NYAP2: variants seen among roughly 807,000 people sequenced by gnomAD.
The protein encoded by NYAP2 is neuronal tyrosine-phosphorylated phosphoinositide-3-kinase adaptor 2.
A neutral mutation model predicts 50.4 loss-of-function variants in NYAP2; 23 were observed. The ratio of observed to expected loss-of-function variants is 0.46; its 90% CI spans 0.33 to 0.65. NYAP2 has a LOEUF of 0.65. NYAP2 is among the 30% of genes least tolerant of loss of function. The pLI, the probability that NYAP2 is intolerant of heterozygous loss-of-function variation, is 0.02. For missense variants in NYAP2, 885 were observed against 861.0 expected (o/e 1.03, Z -0.35); for synonymous variants, 394 against 365.2 (o/e 1.08, Z -0.90).
chr2:225,692,926 T>C, the NYAP2 span, among the ~76,000 whole-genome samples: 1 of 152,094 alleles, frequency 6.6e-6, no homozygotes, highest in East Asian at 1.9e-4. Flanking sequence ...TGTACATATA[T>C]ATTTCTAATT....
At chr2:225,465,726 C>A (rs1327859415) in intron 3 of NYAP2, among the ~76,000 whole-genome samples, 1 of 152,086 alleles carries the variant, frequency 6.6e-6, no homozygotes, top group African/African-American at 2.4e-5. Context: ...AAAAAACAAA[C>A]AAACAAACAA....
chr2:225,549,424 G>A (rs770081011), intron 4 of NYAP2, among the ~76,000 whole-genome samples: 31 of 152,168 alleles, frequency 2.0e-4, no homozygotes, highest in Non-Finnish European at 4.4e-4. Flanking sequence ...GAAAGCCTGA[G>A]TGTGTCAAGC....
chr2:225,440,696 A>G (rs889994042), intron 3 of NYAP2, among the ~76,000 whole-genome samples: 2 of 152,240 alleles, frequency 1.3e-5, no homozygotes, highest in Non-Finnish European at 2.9e-5. Context: ...AAGAGTATGG[A>G]GAAGAGCAAA....
chr2:225,634,786 C>T (rs576029353), intron 6 of NYAP2, among the ~76,000 whole-genome samples: 41 of 152,246 alleles, frequency 2.7e-4, no homozygotes, highest in Non-Finnish European at 4.7e-4. Flanking sequence ...CATAATTCAT[C>T]TTCTGGTCAC....
chr2:225,676,723 T>A, the NYAP2 span, among the ~76,000 whole-genome samples: 1 of 152,166 alleles, frequency 6.6e-6, no homozygotes, highest in African/African-American at 2.4e-5. Context: ...TCTCACAACA[T>A]GTGGAAATTA....
the NYAP2 span, among the ~76,000 whole-genome samples, chr2:225,678,556 A>T: frequency 6.6e-6 from 1 of 152,166 alleles, no homozygotes; most frequent in South Asian, 2.1e-4. Flanking sequence ...TTGAAGATAA[A>T]GTTCTTTCAG....
chr2:225,593,758 G>A (rs1452068793), intron 5 of NYAP2, among the ~76,000 whole-genome samples: 2 of 152,104 alleles, frequency 1.3e-5, no homozygotes, highest in African/African-American at 4.8e-5. Context: ...TATTGAACTT[G>A]TTGAATTAAT....
rs527821666 is a variant in NYAP2, at chr2:225,430,301, C to A, written c.221+21200C>A. ...ATCTTAGAACATGAATAACATGAAG[C>A]CTTTCCAAATATAGAATAATCAGAC... is the stretch of plus-strand genomic sequence containing the variant. On this transcript the variant is annotated intron_variant, in intron 3 of 6. Coordinates refer to ENST00000636099, the Ensembl canonical transcript of NYAP2. 7.9e-5 allele frequency among the ~76,000 whole-genome samples: 12 copies of A among 152,280 alleles called. No individual in the cohort carries two copies. The East Asian group carries it at 1.9e-3, about 24-fold the overall frequency.
intron 5 of NYAP2, among the ~76,000 whole-genome samples, chr2:225,589,399 G>T (rs1692449159): frequency 6.6e-6 from 1 of 150,794 alleles, no homozygotes; most frequent in African/African-American, 2.4e-5. Context: ...GTTGGATGTG[G>T]TGGCTCACTC....
intron 4 of NYAP2, among the ~76,000 whole-genome samples, chr2:225,547,850 C>T (rs1160086439): frequency 2.0e-5 from 3 of 152,008 alleles, no homozygotes; most frequent in East Asian, 1.9e-4. Flanking sequence ...TTGTTGTTCC[C>T]GTGGGGTTGG....
the NYAP2 span, among the ~76,000 whole-genome samples, chr2:225,675,715 T>A: frequency 6.6e-6 from 1 of 152,258 alleles, no homozygotes; most frequent in East Asian, 1.9e-4. Context: ...TTGAGAAATC[T>A]CCAAACTGAT....
At chr2:225,492,978 T>A (rs559968747) in intron 3 of NYAP2, among the ~76,000 whole-genome samples, 30 of 151,746 alleles carry the variant, frequency 2.0e-4, no homozygotes, top group African/African-American at 7.0e-4. Context: ...TGACATAATA[T>A]CTTTTATAGC....
At chr2:225,476,778 A>T (rs1434013796) in intron 3 of NYAP2, among the ~76,000 whole-genome samples, 1 of 152,194 alleles carries the variant, frequency 6.6e-6, no homozygotes, top group East Asian at 1.9e-4. Flanking sequence ...TGCCATACAG[A>T]TACAATAGAC....
chr2:225,397,957 A>G (rs1574593112), upstream of NYAP2, among the ~76,000 whole-genome samples: 1 of 151,932 alleles, frequency 6.6e-6, no homozygotes, highest in East Asian at 1.9e-4. Flanking sequence ...AGAAAGAAAA[A>G]GATATATTTT....
At chr2:225,499,319 CTTT>C (rs764490641) in intron 3 of NYAP2, among the ~76,000 whole-genome samples, 9 of 142,986 alleles carry the variant, frequency 6.3e-5, no homozygotes, top group African/African-American at 5.1e-5. Flanking sequence ...GAAAAGGTTA[CTTT>C]TTTTTTTTTT....
intron 5 of NYAP2, among the ~76,000 whole-genome samples, chr2:225,590,420 A>G (rs1692478191): frequency 6.6e-6 from 1 of 152,234 alleles, no homozygotes; most frequent in Admixed American, 6.5e-5. Flanking sequence ...TGCCTGCATC[A>G]TATTCACCTG....
At chr2:225,550,401 CA>C (rs1474949038) in intron 4 of NYAP2, among the ~76,000 whole-genome samples, 2 of 151,812 alleles carry the variant, frequency 1.3e-5, no homozygotes, top group Non-Finnish European at 2.9e-5. Context: ...AGGTTGAGGA[CA>C]GAGATGAATC....
At chr2:225,570,752 T>C (rs1692054932) in intron 4 of NYAP2, among the ~76,000 whole-genome samples, 1 of 152,086 alleles carries the variant, frequency 6.6e-6, no homozygotes, top group Non-Finnish European at 1.5e-5. Context: ...CCCTCCCAAA[T>C]CTCATGTCCT....
chr2:225,430,891 T>C (rs1037754711), intron 3 of NYAP2, among the ~76,000 whole-genome samples: 3 of 152,194 alleles, frequency 2.0e-5, no homozygotes, highest in Admixed American at 2.0e-4. Context: ...TATCATGTCT[T>C]ACACAACAAA....
Sources: allele counts gnomAD v4.1 joint callset (sites outside exome capture counted in the v4.1 genomes callset), GRCh38; gene constraint gnomAD v4.1.1; transcripts MANE v1.5; gene names NCBI Gene and HGNC (gene_info 2026-07-23, HGNC 2026-07-21).